PLCL1: variants seen among roughly 807,000 people sequenced by gnomAD.
PLCL1 encodes phospholipase C like 1 (inactive).
A neutral mutation model predicts 84.4 loss-of-function variants in PLCL1; 41 were observed. The ratio of observed to expected loss-of-function variants is 0.49; its 90% CI spans 0.38 to 0.63. PLCL1 has a LOEUF of 0.63. Ranked by LOEUF, PLCL1 falls within the 30% of genes least tolerant of loss-of-function variation. The pLI is 0.00. For missense variants in PLCL1, 1,206 were observed against 1,367.8 expected (o/e 0.88, Z 1.87); for synonymous variants, 490 against 488.3 (o/e 1.00, Z -0.05).
chr2:197,914,918 G>A (rs1483739479), intron 1 of PLCL1, among the ~76,000 whole-genome samples: 1 of 152,174 alleles, frequency 6.6e-6, no homozygotes, highest in African/African-American at 2.4e-5. Context: ...CTGGAAGGGA[G>A]TAACACAGTG....
intron 1 of PLCL1, among the ~76,000 whole-genome samples, chr2:197,993,734 C>G (rs1042331873): frequency 6.6e-6 from 1 of 152,160 alleles, no homozygotes; most frequent in Non-Finnish European, 1.5e-5. Context: ...ATAAATACCC[C>G]ATTCTCTCTC....
intron 1 of PLCL1, among the ~76,000 whole-genome samples, chr2:198,052,895 C>T (rs988590247): frequency 1.3e-5 from 2 of 152,118 alleles, no homozygotes; most frequent in African/African-American, 4.8e-5. Flanking sequence ...AAGACTGGAG[C>T]CTCGAGATTA....
chr2:198,112,402 A>G (rs534297272), intron 5 of PLCL1, among the ~76,000 whole-genome samples: 100 of 151,954 alleles, frequency 6.6e-4, no homozygotes, highest in Non-Finnish European at 1.4e-3. Flanking sequence ...CAGCTTTGCT[A>G]TTCATTGGCT....
At chr2:197,967,990 T>A (rs1046578365) in intron 1 of PLCL1, among the ~76,000 whole-genome samples, 28 of 152,186 alleles carry the variant, frequency 1.8e-4, no homozygotes, top group African/African-American at 6.3e-4. Context: ...CCCCTGGTGA[T>A]GTGTGGCTGG....
chr2:198,003,837 G>A (rs1448848536), intron 1 of PLCL1, among the ~76,000 whole-genome samples: 2 of 152,114 alleles, frequency 1.3e-5, no homozygotes, highest in Non-Finnish European at 2.9e-5. Context: ...AAGTGTTGTG[G>A]TTGAAAAAGG....
At chr2:197,893,677 G>GAGATTTGGGGTTTATGA (rs1309487971) in intron 1 of PLCL1, among the ~76,000 whole-genome samples, 8 of 149,380 alleles carry the variant, frequency 5.4e-5, no homozygotes, top group Non-Finnish European at 7.5e-5. Flanking sequence ...ATCTCAGCAT[G>GAGATTTGGGGTTTATGA]CAAATTTAAA....
intron 1 of PLCL1, among the ~76,000 whole-genome samples, chr2:197,983,190 CTTTTCTTTTCTTTTTTTTTTTT>C (rs1690149324): frequency 3.0e-5 from 2 of 66,070 alleles, no homozygotes; most frequent in African/African-American, 1.1e-4. Context: ...TTTTCTTTTT[CTTTTCTTTTCTTTTTTTTTTTT>C]TTTTTTTTTT....
At chr2:198,069,269 T>A (rs545593879) in intron 1 of PLCL1, among the ~76,000 whole-genome samples, 117 of 151,616 alleles carry the variant, frequency 7.7e-4, no homozygotes, top group African/African-American at 2.8e-3. Flanking sequence ...GGCGGGAGGA[T>A]CACTTGAGCC....
At chr2:198,017,496 T>C (rs1045032417) in intron 1 of PLCL1, among the ~76,000 whole-genome samples, 5 of 152,256 alleles carry the variant, frequency 3.3e-5, no homozygotes, top group African/African-American at 1.2e-4. Context: ...TCAGTACTTA[T>C]GTAAAGAATG....
chr2:198,088,004 C>G (rs1038094981), intron 2 of PLCL1, among the ~76,000 whole-genome samples: 1 of 152,084 alleles, frequency 6.6e-6, no homozygotes, highest in African/African-American at 2.4e-5. Flanking sequence ...CTTTTTCTGA[C>G]ATAATTCTAG....
At chr2:197,912,753 A>C (rs1688508285) in intron 1 of PLCL1, among the ~76,000 whole-genome samples, 1 of 125,642 alleles carries the variant, frequency 8.0e-6, no homozygotes, top group South Asian at 3.0e-4. Flanking sequence ...GTGAGATCAC[A>C]TGGACACAGG....
intron 1 of PLCL1, among the ~76,000 whole-genome samples, chr2:197,830,866 T>C (rs1464093469): frequency 1.3e-5 from 2 of 152,186 alleles, no homozygotes; most frequent in East Asian, 1.9e-4. Context: ...AGGGCTGATA[T>C]TCAACATTCT....
At chr2:197,855,713 G>A (rs1460193390) in intron 1 of PLCL1, among the ~76,000 whole-genome samples, 1 of 152,046 alleles carries the variant, frequency 6.6e-6, no homozygotes, top group Non-Finnish European at 1.5e-5. Context: ...TCCTTCACTT[G>A]TTCCACATCA....
At chr2:197,969,042 T>C (rs2105795715) in intron 1 of PLCL1, among the ~76,000 whole-genome samples, 1 of 152,274 alleles carries the variant, frequency 6.6e-6, no homozygotes, top group East Asian at 1.9e-4. Context: ...CAACATTAGA[T>C]TTTCATAGGA....
At chr2:197,981,541 G>A (rs1224671779) in intron 1 of PLCL1, among the ~76,000 whole-genome samples, 3 of 152,056 alleles carry the variant, frequency 2.0e-5, no homozygotes, top group African/African-American at 7.2e-5. Context: ...ACTTTACTTT[G>A]TCAATCATTT....
chr2:198,006,378 T>C (rs908911353), intron 1 of PLCL1, among the ~76,000 whole-genome samples: 5 of 152,062 alleles, frequency 3.3e-5, no homozygotes, highest in South Asian at 2.1e-4. Context: ...ATTTGGTAAA[T>C]GGAAATACAA....
intron 1 of PLCL1, among the ~76,000 whole-genome samples, chr2:198,050,769 A>C (rs1025804275): frequency 6.6e-6 from 1 of 152,192 alleles, no homozygotes; most frequent in Non-Finnish European, 1.5e-5. Context: ...TCCCTGCTTA[A>C]TTCATGATTG....
chr2:197,854,355 T>A (rs1367742888), intron 1 of PLCL1, among the ~76,000 whole-genome samples: 1 of 152,188 alleles, frequency 6.6e-6, no homozygotes, highest in African/African-American at 2.4e-5. Context: ...TCTTACTGAG[T>A]GAGGCTTCTC....
intron 1 of PLCL1, among the ~76,000 whole-genome samples, chr2:197,840,712 G>A (rs1686980185): frequency 6.6e-6 from 1 of 152,164 alleles, no homozygotes; most frequent in South Asian, 2.1e-4. Context: ...GCCATGATCT[G>A]GGTGCAACTC....
Sources: gnomAD v4.1 joint callset for allele counts (sites outside exome capture counted in the v4.1 genomes callset) on GRCh38, gnomAD v4.1.1 for gene constraint, MANE v1.5 for transcripts, NCBI Gene and HGNC (gene_info 2026-07-23, HGNC 2026-07-21) for gene names.